The following PRSS12 variants were observed in gnomAD, a reference collection of about 807,000 sequenced individuals.
PRSS12 encodes neurotrypsin.
In PRSS12, 85 loss-of-function variants were observed where a neutral mutation model predicts 104.4. That is an observed-to-expected ratio of 0.81 (90% CI 0.68 to 0.98). The LOEUF (loss-of-function observed/expected upper bound fraction) is 0.98, where lower values mean the gene tolerates loss of function less well. PRSS12 is among the 50% of genes least tolerant of loss of function. The pLI is 0.00. For missense variants in PRSS12, 1,141 were observed against 1,139.2 expected (o/e 1.00, Z -0.02); for synonymous variants, 454 against 425.2 (o/e 1.07, Z -0.83).
At chr4:118,292,544 G>A (rs114760287) in intron 11 of PRSS12, among the ~76,000 whole-genome samples, 2,715 of 152,252 alleles carry the variant, frequency 0.018, 39 homozygotes, top group South Asian at 0.053. Flanking sequence ...GTAACAGCAA[G>A]GATTCTATCT....
chr4:118,313,727 A>G (rs1221460028), intron 6 of PRSS12, among the ~76,000 whole-genome samples: 4 of 152,208 alleles, frequency 2.6e-5, no homozygotes, highest in African/African-American at 4.8e-5. Flanking sequence ...AATTGTGACC[A>G]GAAAGTGAGA....
rs765580807 is a variant in PRSS12, at chr4:118,335,522, C to T, written c.771G>A (p.Gly257=). 1.2e-6 allele frequency: 2 copies of T among 1,613,850 alleles called. No homozygotes were observed. Among genetic ancestry groups the T allele is most frequent in the Admixed American group, 1.7e-5 (1 of 59,968 alleles). ...CAGCTGCCATCTTCTGAGGACACACCCCACCCTGCCAGATGTCTTTTTCAC... is the reference window on the plus strand; with the variant it reads ...CAGCTGCCATCTTCTGAGGACACACTCCACCCTGCCAGATGTCTTTTTCAC... The part of the protein sequence containing the change: ...LLCEKDIWQG[G]VCPQKMAAAV... The change falls in exon 3 of 13, where the codon GGG becomes GGA. Residue 257 remains glycine, a synonymous_variant. Coordinates refer to ENST00000296498, the MANE Select transcript of PRSS12 (RefSeq NM_003619.4).
chr4:118,335,446 A>G (rs761301310), intron 3 of PRSS12, 27 bp downstream of exon 3: 2 of 1,611,984 alleles, frequency 1.2e-6, no homozygotes, highest in Non-Finnish European at 8.5e-7. Flanking sequence ...TGAAAGTAAA[A>G]CAACAGAACT....
At chr4:118,328,048 C>G (rs948735642) in intron 4 of PRSS12, among the ~76,000 whole-genome samples, 1 of 152,142 alleles carries the variant, frequency 6.6e-6, no homozygotes, top group African/African-American at 2.4e-5. Flanking sequence ...AAGAATGAAT[C>G]ATAAATTGAG....
At chr4:118,325,272 G>A (rs1723742549) in intron 4 of PRSS12, among the ~76,000 whole-genome samples, 1 of 150,844 alleles carries the variant, frequency 6.6e-6, no homozygotes, top group Non-Finnish European at 1.5e-5. Context: ...AACTACCTAT[G>A]GGTACTATGC....
intron 1 of PRSS12, among the ~76,000 whole-genome samples, chr4:118,339,814 G>A (rs1293479703): frequency 1.3e-5 from 2 of 152,100 alleles, no homozygotes; most frequent in African/African-American, 4.8e-5. Flanking sequence ...TTCTACAGAG[G>A]TCCACGTAAT....
intron 6 of PRSS12, among the ~76,000 whole-genome samples, chr4:118,314,232 A>T (rs184508913): frequency 2.1e-4 from 32 of 152,246 alleles, no homozygotes; most frequent in Non-Finnish European, 3.1e-4. Flanking sequence ...CTCATATAAT[A>T]ATTCCCTTAC....
chr4:118,348,810 CCTGG>C, intron 1 of PRSS12, among the ~76,000 whole-genome samples: 1 of 152,080 alleles, frequency 6.6e-6, no homozygotes, highest in Non-Finnish European at 1.5e-5. Context: ...TGCCACCATG[CCTGG>C]CTAATTTTGT....
At chr4:118,305,229 A>T (rs1049537831) in intron 8 of PRSS12, among the ~76,000 whole-genome samples, 1 of 151,700 alleles carries the variant, frequency 6.6e-6, no homozygotes, top group Non-Finnish European at 1.5e-5. Context: ...AAGTATATTT[A>T]ATCAAATAGC....
intron 6 of PRSS12, among the ~76,000 whole-genome samples, chr4:118,314,702 G>C (rs1743859607): frequency 6.6e-6 from 1 of 152,000 alleles, no homozygotes; most frequent in East Asian, 1.9e-4. Context: ...ATCATTTAGA[G>C]CTTTTTACAC....
At position 118,330,675 on chromosome 4, in the gene PRSS12, A is replaced by T. The variant is rs540794461; in HGVS notation, c.971+1041T>A. Among the ~76,000 whole-genome samples, 5 of 152,360 alleles carry T rather than the reference A, an allele frequency of 3.3e-5. No homozygotes were observed. The South Asian group carries it at 8.3e-4, about 25-fold the overall frequency. On this transcript the variant is annotated intron_variant, in intron 4 of 12. Coordinates refer to ENST00000296498, the MANE Select transcript of PRSS12 (RefSeq NM_003619.4). ...TTTGAATAAGATGAAGTATTAGACA[A>T]TATTAAAAATGATTACCAATAATTA...
At chr4:118,290,823 T>C (rs617140) in intron 11 of PRSS12, among the ~76,000 whole-genome samples, 128,691 of 151,756 alleles carry the variant, frequency 0.85, 56,235 homozygotes, top group South Asian at 0.95. Context: ...TTTCTAACAG[T>C]CTCTCTACCT....
chr4:118,286,551 C>T (rs964213556), intron 11 of PRSS12, among the ~76,000 whole-genome samples: 1 of 152,172 alleles, frequency 6.6e-6, no homozygotes, highest in African/African-American at 2.4e-5. Flanking sequence ...TAATTAAAGG[C>T]TTTTCAAGGG....
intron 9 of PRSS12, among the ~76,000 whole-genome samples, chr4:118,297,003 G>A (rs2126028617): frequency 6.6e-6 from 1 of 152,242 alleles, no homozygotes; most frequent in East Asian, 1.9e-4. Flanking sequence ...CTGGGGCAAA[G>A]AACCAGCCTG....
Position 118,323,790 on chromosome 4 carries a change from T to C in PRSS12, c.972-5234A>G, listed in dbSNP as rs77975089. ...AAAAAAAACTCCTAGAAATGAATAA[T>C]AGTAATAACTTGTTTTTTATATATA... On this transcript the variant is annotated intron_variant, in intron 4 of 12. Coordinates refer to ENST00000296498, the MANE Select transcript of PRSS12 (RefSeq NM_003619.4). Among the ~76,000 whole-genome samples, 703 of 151,978 alleles carry C rather than the reference T, an allele frequency of 4.6e-3. 14 individuals are homozygous for C. Among genetic ancestry groups the C allele is most frequent in the African/African-American group, 0.016 (677 of 41,476 alleles).
At chr4:118,321,279 A>C (rs1004776258) in intron 4 of PRSS12, among the ~76,000 whole-genome samples, 1 of 152,210 alleles carries the variant, frequency 6.6e-6, no homozygotes, top group Non-Finnish European at 1.5e-5. Flanking sequence ...GATTGTTCTA[A>C]ATAAAGTTTT....
intron 11 of PRSS12, among the ~76,000 whole-genome samples, chr4:118,292,918 C>T (rs952189647): frequency 2.0e-5 from 3 of 151,846 alleles, no homozygotes; most frequent in African/African-American, 4.8e-5. Flanking sequence ...AAGAGGCTGA[C>T]GCGGGAGAAT....
At chr4:118,302,504 G>A (rs1743425576) in intron 8 of PRSS12, among the ~76,000 whole-genome samples, 1 of 152,176 alleles carries the variant, frequency 6.6e-6, no homozygotes, top group South Asian at 2.1e-4. Flanking sequence ...TCAGCTTACC[G>A]CAACCTCTCC....
intron 6 of PRSS12, 106 bp downstream of exon 6, chr4:118,316,076 A>T (rs1743899690): frequency 7.9e-7 from 1 of 1,258,594 alleles, no homozygotes; most frequent in East Asian, 2.5e-5. Flanking sequence ...GGTAGGAGAG[A>T]ACAGGTATTT....
Sources: gnomAD v4.1 joint callset for allele counts (sites outside exome capture counted in the v4.1 genomes callset) on GRCh38, gnomAD v4.1.1 for gene constraint, MANE v1.5 for transcripts, NCBI Gene and HGNC (gene_info 2026-07-23, HGNC 2026-07-21) for gene names.